TFDP2: variants seen among roughly 807,000 people sequenced by gnomAD.
TFDP2 encodes the protein transcription factor Dp-2 (E2F dimerization partner 2).
Under a neutral mutation model 59.3 loss-of-function variants are expected in TFDP2, and 17 were observed. That is an observed-to-expected ratio of 0.29 (90% confidence interval 0.20 to 0.43). The LOEUF is 0.43. TFDP2 is among the 20% of genes least tolerant of loss of function. The probability of loss-of-function intolerance (pLI) is 1.00; values close to 1 mark genes in which losing one functional copy is unlikely to be tolerated. For synonymous variants in TFDP2, 180 were observed against 194.7 expected, an observed-to-expected ratio of 0.92 and a Z score of 0.63; for missense variants, 391 against 528.8, an observed-to-expected ratio of 0.74 and a Z score of 2.56.
intron 3 of TFDP2, among the ~76,000 whole-genome samples, chr3:142,042,184 G>A (rs945694619): frequency 1.3e-5 from 2 of 151,986 alleles, no homozygotes; most frequent in African/African-American, 2.4e-5. Flanking sequence ...TAATAAGGTG[G>A]TCTTATATTT....
At chr3:141,995,259 T>A in intron 4 of TFDP2, 118 bp from the exon 5 acceptor site, 1 of 719,304 alleles carries the variant, frequency 1.4e-6, no homozygotes. Flanking sequence ...AAAAGGCACT[T>A]AATGTCAGTC....
intron 11 of TFDP2, among the ~76,000 whole-genome samples, chr3:141,956,359 C>G (rs770559322): frequency 2.6e-5 from 4 of 152,064 alleles, no homozygotes; most frequent in Non-Finnish European, 5.9e-5. Context: ...CGAGACCAGC[C>G]TGGCCAACGT....
At chr3:142,082,438 A>G (rs920325995) in intron 3 of TFDP2, among the ~76,000 whole-genome samples, 5 of 152,222 alleles carry the variant, frequency 3.3e-5, no homozygotes, top group Non-Finnish European at 5.9e-5. Context: ...GAAAAATTGT[A>G]TTCCACAAAA....
intron 4 of TFDP2, among the ~76,000 whole-genome samples, chr3:142,002,040 G>C (rs1943826653): frequency 6.7e-6 from 1 of 149,872 alleles, no homozygotes; most frequent in Non-Finnish European, 1.5e-5. Context: ...TGTTGCCCAG[G>C]CTGGAGTGCA....
chr3:141,963,149 G>A (rs1232146776), intron 10 of TFDP2, among the ~76,000 whole-genome samples: 3 of 151,942 alleles, frequency 2.0e-5, no homozygotes, highest in Non-Finnish European at 4.4e-5. Context: ...CTCTTTTATG[G>A]TACTGGTCAC....
rs752721548 is a variant in TFDP2, at chr3:142,121,557, G to C, written c.-92-19716C>G. 1.3e-5 allele frequency among the ~76,000 whole-genome samples: 2 copies of C among 152,034 alleles called. No individual in the cohort carries two copies. The highest frequency in any genetic ancestry group is 2.9e-5 in the Non-Finnish European group (2 of 68,002). The stretch of plus-strand genomic sequence containing the variant: ...TAACACAGAAACCTAAGCACTTTAC[G>C]GTCAATCCAACTATTGTATTAAACC... On this transcript the variant is annotated intron_variant, in intron 1 of 12. Transcript: ENST00000489671. The surrounding 1 kb of genome is among the most constrained non-coding windows in gnomAD (Gnocchi z 4.3).
intron 4 of TFDP2, among the ~76,000 whole-genome samples, chr3:141,999,784 G>A (rs527651966): frequency 1.5e-3 from 226 of 150,316 alleles, no homozygotes; most frequent in Non-Finnish European, 2.4e-3. Flanking sequence ...TGCCTAGGCT[G>A]GAGTGCAGTG....
intron 3 of TFDP2, among the ~76,000 whole-genome samples, chr3:142,031,270 A>G (rs2108409317): frequency 6.6e-6 from 1 of 152,242 alleles, no homozygotes; most frequent in South Asian, 2.1e-4. Context: ...TCCTTTTCCC[A>G]TTCCTTCCTT....
chr3:142,043,705 C>T, intron 3 of TFDP2: 2 of 1,136,084 alleles, frequency 1.8e-6, no homozygotes, highest in Non-Finnish European at 2.7e-6. Flanking sequence ...ACCGTGCTTG[C>T]GTGCTTCCTT....
At chr3:142,044,381 G>A (rs537925997) in intron 3 of TFDP2, among the ~76,000 whole-genome samples, 33 of 151,950 alleles carry the variant, frequency 2.2e-4, no homozygotes, top group South Asian at 6.2e-4. Flanking sequence ...GACTACAGGC[G>A]TGCACCACCA....
chr3:141,961,391 G>A (rs752237577), intron 10 of TFDP2, among the ~76,000 whole-genome samples: 3 of 151,674 alleles, frequency 2.0e-5, no homozygotes, highest in African/African-American at 4.8e-5. Flanking sequence ...GTACAGGCGC[G>A]TGCCACCATG....
intron 1 of TFDP2, among the ~76,000 whole-genome samples, chr3:142,147,033 T>A (rs944989090): frequency 1.4e-5 from 2 of 140,594 alleles, no homozygotes; most frequent in Non-Finnish European, 3.0e-5. Context: ...CAGACAAGCC[T>A]GAGCAACATA....
At chr3:142,117,408 A>G (rs531247020) in intron 1 of TFDP2, among the ~76,000 whole-genome samples, 58 of 151,770 alleles carry the variant, frequency 3.8e-4, no homozygotes, top group African/African-American at 1.3e-3. Flanking sequence ...CAAATTACCT[A>G]TAAGTCAAGC....
chr3:141,980,249 A>AT (rs1284538206), intron 6 of TFDP2, among the ~76,000 whole-genome samples: 1 of 151,606 alleles, frequency 6.6e-6, no homozygotes, highest in Non-Finnish European at 1.5e-5. Flanking sequence ...AAAAAAAAAA[A>AT]AAAAAAATTA....
chr3:141,968,285 CAA>C (rs1491381021), intron 9 of TFDP2, among the ~76,000 whole-genome samples: 9 of 119,686 alleles, frequency 7.5e-5, no homozygotes, highest in South Asian at 2.4e-4. Context: ...TAATATATAA[CAA>C]TATATATAAT....
chr3:142,007,319 C>CTT (rs144977624), intron 3 of TFDP2, among the ~76,000 whole-genome samples: 10,578 of 152,212 alleles, frequency 0.069, 464 homozygotes, highest in Non-Finnish European at 0.11. Flanking sequence ...TGTTCTCACT[C>CTT]GATATATGAC....
rs1469822150 is a variant in TFDP2, at chr3:141,952,785, T to C, written c.1158-89A>G. ...GAATAAAAACAGGAAGGAGGTGCCA[T>C]TGGTGAGATCTGCCACAAACCTGCT... On this transcript the variant is annotated intron_variant, in intron 12 of 12. Coordinates refer to ENST00000489671, the MANE Select transcript of TFDP2 (RefSeq NM_001178139.2). 2.5e-6 allele frequency: 4 copies of C among 1,578,566 alleles called. No individual in the cohort carries two copies. The East Asian group carries it at 8.9e-5, about 35-fold the overall frequency.
chr3:141,983,104 CT>C (rs1941663224), intron 6 of TFDP2, among the ~76,000 whole-genome samples: 1 of 152,114 alleles, frequency 6.6e-6, no homozygotes, highest in South Asian at 2.1e-4. Flanking sequence ...AGAAATTAAG[CT>C]TATTATTTGG....
chr3:142,050,456 G>C (rs985583899), intron 3 of TFDP2, among the ~76,000 whole-genome samples: 8 of 152,042 alleles, frequency 5.3e-5, no homozygotes, highest in African/African-American at 1.9e-4. Context: ...AGCACTTTAG[G>C]AGGCCGAGGC....
Sources: gnomAD v4.1 joint callset for allele counts (sites outside exome capture counted in the v4.1 genomes callset) on GRCh38, gnomAD v4.1.1 for gene constraint, Gnocchi (gnomAD v3.1) non-coding constraint, MANE v1.5 for transcripts, NCBI Gene and HGNC (gene_info 2026-07-23, HGNC 2026-07-21) for gene names.